Variants in RGS20 observed in about 807,000 individuals in gnomAD.
RGS20 encodes the protein gz-selective GTPase-activating protein.
A neutral mutation model predicts 33.6 loss-of-function variants in RGS20; 30 were observed. That is an observed-to-expected ratio of 0.89 (90% CI 0.67 to 1.21). The LOEUF (loss-of-function observed/expected upper bound fraction) is 1.21, where lower values mean the gene tolerates loss of function less well. RGS20 is among the 50% of genes most tolerant of loss of function. RGS20 has a pLI of 0.00. For synonymous variants in RGS20, 208 were observed against 197.9 expected (o/e 1.05, Z -0.43); for missense variants, 472 against 502.4 (o/e 0.94, Z 0.58).
At chr8:53,919,239 C>T (rs975535225) in intron 2 of RGS20, among the ~76,000 whole-genome samples, 2 of 152,032 alleles carry the variant, frequency 1.3e-5, no homozygotes, top group African/African-American at 4.8e-5. Flanking sequence ...TGGGTTTTCT[C>T]TCCTTTTTCT....
At chr8:53,859,213 T>A (rs1274091335) in intron 1 of RGS20, among the ~76,000 whole-genome samples, 1 of 152,222 alleles carries the variant, frequency 6.6e-6, no homozygotes, top group Non-Finnish European at 1.5e-5. Context: ...AACAAACTTT[T>A]CATATTCTAT....
chr8:53,944,904 C>T (rs1337456580), intron 3 of RGS20, among the ~76,000 whole-genome samples: 3 of 152,180 alleles, frequency 2.0e-5, no homozygotes, highest in Non-Finnish European at 1.5e-5. Context: ...CAAATCAAAA[C>T]CACAATGAAA....
chr8:53,856,749 C>T (rs1452240423), intron 1 of RGS20, among the ~76,000 whole-genome samples: 1 of 152,180 alleles, frequency 6.6e-6, no homozygotes, highest in African/African-American at 2.4e-5. Flanking sequence ...GACAAGAGAG[C>T]TGTTTCCACA....
chr8:53,941,692 C>G (rs745865828), intron 3 of RGS20, among the ~76,000 whole-genome samples: 5 of 152,098 alleles, frequency 3.3e-5, no homozygotes, highest in Non-Finnish European at 4.4e-5. Flanking sequence ...GTTTTAACAT[C>G]AGTGAAAGAC....
intron 2 of RGS20, among the ~76,000 whole-genome samples, chr8:53,886,235 G>T (rs542733846): frequency 6.6e-6 from 1 of 152,298 alleles, no homozygotes; most frequent in African/African-American, 2.4e-5. Context: ...GAGTTAAGGC[G>T]ACGCTGCTTG....
chr8:53,862,707 G>A (rs979785861), intron 1 of RGS20, among the ~76,000 whole-genome samples: 2 of 152,098 alleles, frequency 1.3e-5, no homozygotes, highest in African/African-American at 4.8e-5. Context: ...GCTGAGGCAT[G>A]AGGATTGCTT....
At chr8:53,894,863 C>A (rs184641328) in intron 2 of RGS20, among the ~76,000 whole-genome samples, 1 of 151,872 alleles carries the variant, frequency 6.6e-6, no homozygotes, top group Non-Finnish European at 1.5e-5. Context: ...ATATTTAGAC[C>A]CTGATAGAGT....
At chr8:53,883,254 T>C (rs1485617629) in intron 2 of RGS20, among the ~76,000 whole-genome samples, 1 of 151,940 alleles carries the variant, frequency 6.6e-6, no homozygotes, top group African/African-American at 2.4e-5. Context: ...CCTCCTGGGT[T>C]CAAGAGATTT....
chr8:53,901,316 C>T (rs1195432880), intron 2 of RGS20, among the ~76,000 whole-genome samples: 1 of 152,174 alleles, frequency 6.6e-6, no homozygotes, highest in Non-Finnish European at 1.5e-5. Flanking sequence ...GATCCACCCG[C>T]CTTGGCCTCC....
chr8:53,891,536 G>A (rs1157678597), intron 2 of RGS20, among the ~76,000 whole-genome samples: 8 of 152,178 alleles, frequency 5.3e-5, no homozygotes, highest in South Asian at 2.1e-4. Context: ...CAGGAGAATC[G>A]CTTGAACCCG....
At chr8:53,882,460 G>C (rs1442323159) in intron 2 of RGS20, among the ~76,000 whole-genome samples, 1 of 152,170 alleles carries the variant, frequency 6.6e-6, no homozygotes, top group African/African-American at 2.4e-5. Context: ...TCCCAGGGGA[G>C]CAGCTGCTGC....
chr8:53,852,202 C>A, intron 1 of RGS20: 1 of 791,812 alleles, frequency 1.3e-6, no homozygotes, highest in Non-Finnish European at 1.8e-6. Context: ...TTCAAACCAT[C>A]CCCAAGGGAA....
At chr8:53,933,692 ATT>A (rs1814041640) in intron 2 of RGS20, 1 of 153,560 alleles carries the variant, frequency 6.5e-6, no homozygotes, top group Non-Finnish European at 1.5e-5. Flanking sequence ...TCTTCAGGAT[ATT>A]ATCTGGGAGA....
intron 1 of RGS20, among the ~76,000 whole-genome samples, chr8:53,866,523 G>T (rs1005056795): frequency 1.3e-5 from 2 of 152,114 alleles, no homozygotes; most frequent in East Asian, 3.9e-4. Flanking sequence ...ATTACAGGAG[G>T]CACCCACCAT....
At chr8:53,887,289 T>G (rs1225838120) in intron 2 of RGS20, 1 of 202,598 alleles carries the variant, frequency 4.9e-6, no homozygotes, top group Non-Finnish European at 1.0e-5. Flanking sequence ...AAATTCCTTT[T>G]GAATGTTGTA....
chr8:53,905,061 T>C (rs1813128014), intron 2 of RGS20, among the ~76,000 whole-genome samples: 1 of 152,236 alleles, frequency 6.6e-6, no homozygotes, highest in South Asian at 2.1e-4. Context: ...ATTTCCATGA[T>C]AAGTCACTGA....
chr8:53,879,548 G>T lies in RGS20; in HGVS notation c.456G>T (p.Pro152=). 20 of 1,540,950 alleles carry T rather than the reference G, an allele frequency of 1.3e-5. No homozygotes were observed. The highest frequency in any genetic ancestry group is 1.7e-5 in the Non-Finnish European group (20 of 1,143,940). ...GTCGTCCGCTGAGGCCCCCCCATCC[G>T]GTAGCCAAGCCCAGGGAAGAAGACG... The change falls in exon 2 of 6, where the codon CCG becomes CCT. Residue 152 remains proline (P), a synonymous_variant. Coordinates refer to ENST00000297313, the MANE Select transcript of RGS20 (RefSeq NM_170587.4).
At chr8:53,857,960 A>G (rs1346532330) in intron 1 of RGS20, among the ~76,000 whole-genome samples, 1 of 152,248 alleles carries the variant, frequency 6.6e-6, no homozygotes, top group African/African-American at 2.4e-5. Context: ...TACCATGTAT[A>G]CAAATATTAA....
intron 3 of RGS20, among the ~76,000 whole-genome samples, chr8:53,941,696 G>T (rs1246220798): frequency 6.6e-6 from 1 of 152,150 alleles, no homozygotes; most frequent in Non-Finnish European, 1.5e-5. Flanking sequence ...TAACATCAGT[G>T]AAAGACAATA....
Sources: gnomAD v4.1 joint callset for allele counts (sites outside exome capture counted in the v4.1 genomes callset) on GRCh38, gnomAD v4.1.1 for gene constraint, MANE v1.5 for transcripts, NCBI Gene and HGNC (gene_info 2026-07-23, HGNC 2026-07-21) for gene names.